Variants in DNAJC5B observed in about 807,000 individuals in gnomAD.
DNAJC5B encodes DnaJ heat shock protein family (Hsp40) member C5 beta.
Under a neutral mutation model 24.7 loss-of-function variants are expected in DNAJC5B, and 23 were observed. The ratio of observed to expected loss-of-function variants is 0.93; its 90% CI spans 0.67 to 1.32. DNAJC5B has a LOEUF of 1.32. Ranked by LOEUF, DNAJC5B falls within the 40% of genes most tolerant of loss-of-function variation. The probability of loss-of-function intolerance (pLI) is 0.00; values close to 1 mark genes in which losing one functional copy is unlikely to be tolerated. For missense variants in DNAJC5B, 238 were observed against 240.8 expected, an observed-to-expected ratio of 0.99 and a Z score of 0.08; for synonymous variants, 101 against 90.1, an observed-to-expected ratio of 1.12 and a Z score of -0.68.
intron 1 of DNAJC5B, among the ~76,000 whole-genome samples, chr8:66,022,388 G>T (rs759239658): frequency 3.3e-5 from 5 of 152,182 alleles, no homozygotes; most frequent in African/African-American, 9.7e-5. Flanking sequence ...TGGGGCCAGC[G>T]CCAGGCCCTG....
intron 2 of DNAJC5B, among the ~76,000 whole-genome samples, chr8:66,043,821 C>CT (rs11449089): frequency 0.16 from 20,427 of 130,582 alleles, 3,017 homozygotes; most frequent in African/African-American, 0.39. Context: ...TGAAAAGAAC[C>CT]TTTTTTTTTT....
intron 1 of DNAJC5B, among the ~76,000 whole-genome samples, chr8:66,024,049 C>T (rs556752972): frequency 5.3e-5 from 8 of 152,126 alleles, no homozygotes; most frequent in African/African-American, 1.2e-4. Context: ...TAGTCATCAG[C>T]GCCATCATTA....
intron 5 of DNAJC5B, among the ~76,000 whole-genome samples, chr8:66,085,447 T>A (rs1807701078): frequency 6.7e-6 from 1 of 150,314 alleles, no homozygotes; most frequent in Non-Finnish European, 1.5e-5. Context: ...CTCAAAAAAA[T>A]AAAAATAAAA....
chr8:66,068,543 G>A (rs765955396), intron 3 of DNAJC5B, among the ~76,000 whole-genome samples: 1 of 151,790 alleles, frequency 6.6e-6, no homozygotes, highest in Non-Finnish European at 1.5e-5. Flanking sequence ...AGATAAAAAC[G>A]AAGTTTCATT....
At chr8:66,098,302 A>C (rs1807998062) in intron 5 of DNAJC5B, among the ~76,000 whole-genome samples, 1 of 152,136 alleles carries the variant, frequency 6.6e-6, no homozygotes, top group Non-Finnish European at 1.5e-5. Flanking sequence ...TCCTGGGTTC[A>C]AGCAATTCTC....
At chr8:66,077,325 G>T (rs1807489190) in intron 4 of DNAJC5B, among the ~76,000 whole-genome samples, 1 of 152,164 alleles carries the variant, frequency 6.6e-6, no homozygotes, top group African/African-American at 2.4e-5. Context: ...CCTGCTGTGA[G>T]GTAGAGGAGA....
At chr8:66,072,379 T>C (rs1284346173) in intron 3 of DNAJC5B, among the ~76,000 whole-genome samples, 1 of 152,134 alleles carries the variant, frequency 6.6e-6, no homozygotes, top group Non-Finnish European at 1.5e-5. Flanking sequence ...GCTAAGGATA[T>C]AGAAGATTTG....
chr8:66,092,508 C>G (rs1390391555), intron 5 of DNAJC5B, among the ~76,000 whole-genome samples: 2 of 152,010 alleles, frequency 1.3e-5, no homozygotes, highest in African/African-American at 4.8e-5. Context: ...TCGCCTAACT[C>G]CTTTATCTGT....
intron 3 of DNAJC5B, among the ~76,000 whole-genome samples, chr8:66,052,741 C>T (rs983341164): frequency 7.9e-5 from 12 of 152,188 alleles, no homozygotes; most frequent in Non-Finnish European, 4.4e-5. Flanking sequence ...ACCTATAAGG[C>T]ATGTAGCCTA....
chr8:66,082,913 A>T (rs1313619840), intron 5 of DNAJC5B, among the ~76,000 whole-genome samples: 3 of 151,686 alleles, frequency 2.0e-5, no homozygotes, highest in African/African-American at 7.3e-5. Context: ...GCTCTGCAAC[A>T]CGCTTCCCCT....
chr8:66,027,486 T>C (rs1380664408), intron 1 of DNAJC5B, among the ~76,000 whole-genome samples: 1 of 152,220 alleles, frequency 6.6e-6, no homozygotes, highest in Non-Finnish European at 1.5e-5. Flanking sequence ...ACTCTCAGTC[T>C]TGCCATTTAA....
intron 2 of DNAJC5B, among the ~76,000 whole-genome samples, chr8:66,044,197 G>A (rs1164765005): frequency 6.6e-6 from 1 of 152,172 alleles, no homozygotes; most frequent in East Asian, 1.9e-4. Context: ...CATTTTGGAA[G>A]TTCATTTAGC....
At chr8:66,097,079 T>C (rs1807968910) in intron 5 of DNAJC5B, among the ~76,000 whole-genome samples, 1 of 152,094 alleles carries the variant, frequency 6.6e-6, no homozygotes, top group South Asian at 2.1e-4. Context: ...ATTGAGTGAG[T>C]TAATATACAT....
At chr8:66,037,124 G>T (rs1435108803) in intron 1 of DNAJC5B, among the ~76,000 whole-genome samples, 5 of 152,186 alleles carry the variant, frequency 3.3e-5, no homozygotes, top group Non-Finnish European at 7.3e-5. Context: ...CCCAGGGAAG[G>T]TTGAGGGATT....
At chr8:66,019,439 G>T (rs1563579388), upstream of DNAJC5B, among the ~76,000 whole-genome samples, 1 of 152,128 alleles carries the variant, frequency 6.6e-6, no homozygotes, top group Non-Finnish European at 1.5e-5. Flanking sequence ...CAAAAAAAGG[G>T]ATTACTTGTG....
chr8:66,023,071 G>A (rs1048781447), intron 1 of DNAJC5B, among the ~76,000 whole-genome samples: 3 of 152,214 alleles, frequency 2.0e-5, no homozygotes, highest in African/African-American at 7.2e-5. Context: ...CAGAATTTTA[G>A]AGTCGGAGGG....
intron 5 of DNAJC5B, among the ~76,000 whole-genome samples, chr8:66,094,883 T>G (rs1351001350): frequency 6.6e-6 from 1 of 152,086 alleles, no homozygotes; most frequent in African/African-American, 2.4e-5. Context: ...TCCTTTGATC[T>G]GTTAATGTGA....
At chr8:66,031,423 A>T (rs116026663) in intron 1 of DNAJC5B, among the ~76,000 whole-genome samples, 1,679 of 152,366 alleles carry the variant, frequency 0.011, 33 homozygotes, top group African/African-American at 0.036. Flanking sequence ...TAGTTTTGAC[A>T]TAACAGAATT....
intron 2 of DNAJC5B, among the ~76,000 whole-genome samples, chr8:66,046,520 T>C (rs1022789292): frequency 1.3e-5 from 2 of 152,230 alleles, no homozygotes; most frequent in Admixed American, 6.5e-5. Context: ...TGTCAAGTGT[T>C]ATTCAATATG....
Sources: gnomAD v4.1 joint callset for allele counts (sites outside exome capture counted in the v4.1 genomes callset) on GRCh38, gnomAD v4.1.1 for gene constraint, MANE v1.5 for transcripts, NCBI Gene and HGNC (gene_info 2026-07-23, HGNC 2026-07-21) for gene names.